The following CEP112 variants were observed in gnomAD, a reference collection of about 807,000 sequenced individuals.
The protein encoded by CEP112 is centrosomal protein 112, also known as centrosomal protein of 112 kDa.
A neutral mutation model predicts 153.0 loss-of-function variants in CEP112; 127 were observed. The ratio of observed to expected loss-of-function variants is 0.83; its 90% CI spans 0.72 to 0.96. CEP112 has a LOEUF of 0.96. CEP112 is among the 40% of genes least tolerant of loss of function. CEP112 has a pLI of 0.00. For missense variants in CEP112, 1,089 were observed against 1,101.2 expected, an observed-to-expected ratio of 0.99 and a Z score of 0.16; for synonymous variants, 358 against 374.4, an observed-to-expected ratio of 0.96 and a Z score of 0.51.
At chr17:65,729,024 T>C (rs1044281898) in intron 23 of CEP112, among the ~76,000 whole-genome samples, 2 of 152,244 alleles carry the variant, frequency 1.3e-5, no homozygotes, top group Admixed American at 1.3e-4. Context: ...TAACATAGCT[T>C]AAAACAGAAA....
intron 18 of CEP112, among the ~76,000 whole-genome samples, chr17:65,949,689 G>A (rs1156907021): frequency 6.6e-6 from 1 of 152,184 alleles, no homozygotes; most frequent in East Asian, 1.9e-4. Context: ...CAGACGATGA[G>A]CCAGGCATTC....
intron 18 of CEP112, among the ~76,000 whole-genome samples, chr17:65,929,352 T>C (rs1487301077): frequency 6.6e-6 from 1 of 152,144 alleles, no homozygotes; most frequent in Non-Finnish European, 1.5e-5. Flanking sequence ...ACCACCACAG[T>C]CCACCTACCT....
intron 20 of CEP112, among the ~76,000 whole-genome samples, chr17:65,887,747 C>A (rs1377422382): frequency 6.6e-6 from 1 of 152,180 alleles, no homozygotes; most frequent in Non-Finnish European, 1.5e-5. Context: ...GCAGATCTTG[C>A]AGCAGGCAGG....
At chr17:65,689,954 T>C (rs1334422818) in intron 23 of CEP112, among the ~76,000 whole-genome samples, 1 of 152,024 alleles carries the variant, frequency 6.6e-6, no homozygotes, top group African/African-American at 2.4e-5. Flanking sequence ...ATTACAGAAA[T>C]ACTACATGGA....
intron 21 of CEP112, among the ~76,000 whole-genome samples, chr17:65,792,259 A>G (rs568478333): frequency 6.6e-6 from 1 of 152,338 alleles, no homozygotes; most frequent in Admixed American, 6.5e-5. Flanking sequence ...ATAATTTAGC[A>G]TAAGAAAAAA....
chr17:65,783,271 T>C (rs1372534106), intron 21 of CEP112, among the ~76,000 whole-genome samples: 1 of 152,140 alleles, frequency 6.6e-6, no homozygotes, highest in Non-Finnish European at 1.5e-5. Context: ...ATAATAATAA[T>C]GATGATGATG....
rs1050907083 is a variant in CEP112 at position 66,139,200 on chromosome 17, G to C, written c.471-6437C>G. Among the ~76,000 whole-genome samples the C allele has an allele frequency of 2.6e-5, 4 of 152,032 alleles. No individual in the cohort carries two copies. In the East Asian group the frequency reaches 7.7e-4, roughly 29 times the overall value. On this transcript the variant is annotated intron_variant, in intron 4 of 26. Coordinates refer to ENST00000535342, the MANE Select transcript of CEP112 (RefSeq NM_001199165.4). ...AAACTAAGAGTTGATTTATTGAAAT[G>C]ATCAACAAAATTGAAAAACCTTTGG...
chr17:65,756,265 G>T (rs988126522), intron 21 of CEP112, among the ~76,000 whole-genome samples: 12 of 152,016 alleles, frequency 7.9e-5, no homozygotes, highest in African/African-American at 2.4e-4. Flanking sequence ...AATTAGCTGG[G>T]CGTGGTGGCG....
intron 18 of CEP112, among the ~76,000 whole-genome samples, chr17:65,937,026 C>G (rs942239234): frequency 6.7e-6 from 1 of 149,326 alleles, no homozygotes; most frequent in Non-Finnish European, 1.5e-5. Flanking sequence ...CTGTGTTGGC[C>G]GGGCTGGTCT....
intron 16 of CEP112, among the ~76,000 whole-genome samples, chr17:66,021,377 T>C (rs2145622796): frequency 6.6e-6 from 1 of 152,194 alleles, no homozygotes; most frequent in Admixed American, 6.5e-5. Flanking sequence ...GGTGCTAGAA[T>C]TGGGATACCC....
At chr17:66,040,035 T>C (rs549574766) in intron 12 of CEP112, among the ~76,000 whole-genome samples, 1 of 152,344 alleles carries the variant, frequency 6.6e-6, no homozygotes, top group African/African-American at 2.4e-5. Flanking sequence ...TGTTTTATGA[T>C]GCACACATGT....
chr17:66,051,992 T>C (rs1277043971), intron 12 of CEP112, among the ~76,000 whole-genome samples: 2 of 152,264 alleles, frequency 1.3e-5, no homozygotes, highest in African/African-American at 4.8e-5. Flanking sequence ...ACATTTACTT[T>C]AGCATACAGA....
At chr17:65,945,772 G>C (rs1257928075) in intron 18 of CEP112, among the ~76,000 whole-genome samples, 1 of 151,926 alleles carries the variant, frequency 6.6e-6, no homozygotes. Context: ...TCAGCCTCCC[G>C]AGTAGCTGGG....
intron 16 of CEP112, among the ~76,000 whole-genome samples, chr17:66,022,692 G>A (rs1783015710): frequency 8.3e-6 from 1 of 119,862 alleles, no homozygotes; most frequent in Non-Finnish European, 1.6e-5. Context: ...CTGGATGACA[G>A]AACGAGACTC....
intron 21 of CEP112, among the ~76,000 whole-genome samples, chr17:65,816,553 GATATA>G (rs1299014407): frequency 2.0e-5 from 3 of 151,760 alleles, no homozygotes; most frequent in Non-Finnish European, 2.9e-5. Context: ...TACATCTACT[GATATA>G]ATATGATTTT....
chr17:65,649,073 AACACACACACACACACAC>A (rs71158400), intron 24 of CEP112, among the ~76,000 whole-genome samples: 11 of 139,968 alleles, frequency 7.9e-5, no homozygotes, highest in South Asian at 2.4e-4. Context: ...CAAACAAACA[AACACACACACACACACAC>A]ACACACACAC....
At chr17:66,154,872 T>G (rs1423328601) in intron 4 of CEP112, among the ~76,000 whole-genome samples, 1 of 152,204 alleles carries the variant, frequency 6.6e-6, no homozygotes, top group Non-Finnish European at 1.5e-5. Context: ...ATAACAATAT[T>G]AAGAGGTGTG....
Position 65,822,413 on chromosome 17 carries a change from C to T in CEP112, c.2394+29391G>A, listed in dbSNP as rs569162735. On this transcript the variant is annotated intron_variant, in intron 21 of 26. Transcript: ENST00000535342. ...ATTTGCATATAACTATCAACATTCTCTCGTATACTGTAAAACATCTCTAGA... is the reference window on the plus strand; with the variant it reads ...ATTTGCATATAACTATCAACATTCTTTCGTATACTGTAAAACATCTCTAGA... Among the ~76,000 whole-genome samples, 14 of 152,254 alleles carry T rather than the reference C, an allele frequency of 9.2e-5. 1 individual carries two copies. The South Asian group carries it at 2.7e-3, about 29-fold the overall frequency.
At chr17:66,043,602 T>C (rs1029996520) in intron 12 of CEP112, among the ~76,000 whole-genome samples, 4 of 152,204 alleles carry the variant, frequency 2.6e-5, no homozygotes, top group African/African-American at 9.6e-5. Flanking sequence ...AGATTTTCAG[T>C]GTGTCTAAAC....
Sources: allele counts gnomAD v4.1 joint callset (sites outside exome capture counted in the v4.1 genomes callset), GRCh38; gene constraint gnomAD v4.1.1; transcripts MANE v1.5; gene names NCBI Gene and HGNC (gene_info 2026-07-23, HGNC 2026-07-21).